Variants in UTS2B observed in about 807,000 individuals in gnomAD.
UTS2B encodes the protein urotensin-2B.
Under a neutral mutation model 19.2 loss-of-function variants are expected in UTS2B, and 21 were observed. The ratio of observed to expected loss-of-function variants is 1.09; its 90% CI spans 0.78 to 1.58. The LOEUF is 1.58. UTS2B is among the 40% of genes most tolerant of loss of function. UTS2B has a pLI of 0.00. For synonymous variants in UTS2B, 57 were observed against 50.2 expected (o/e 1.14, Z -0.58); for missense variants, 138 against 130.3 (o/e 1.06, Z -0.29).
At chr3:191,276,865 A>G (rs748820431) in intron 6 of UTS2B, 21 bp from the exon 7 acceptor site, 15 of 1,607,786 alleles carry the variant, frequency 9.3e-6, no homozygotes, top group African/African-American at 2.7e-5. Flanking sequence ...CATTTGTCAC[A>G]TGAAAAAACG....
At chr3:191,341,025 T>C in the UTS2B span, among the ~76,000 whole-genome samples, 12,716 of 151,428 alleles carry the variant, frequency 0.084, 605 homozygotes, top group East Asian at 0.21. Flanking sequence ...AGGGTCTCAC[T>C]ATATTGCCCA....
At chr3:191,304,055 C>T (rs913581664) in intron 4 of UTS2B, among the ~76,000 whole-genome samples, 2 of 152,038 alleles carry the variant, frequency 1.3e-5, no homozygotes, top group African/African-American at 2.4e-5. Flanking sequence ...CTGCAACCTC[C>T]GCCTCCTGGG....
intron 3 of UTS2B, among the ~76,000 whole-genome samples, chr3:191,315,808 G>A (rs1020771953): frequency 6.6e-6 from 1 of 152,150 alleles, no homozygotes; most frequent in Non-Finnish European, 1.5e-5. Flanking sequence ...AATTTTATTA[G>A]TTATGCAGTA....
At chr3:191,283,386 A>G (rs945205508) in intron 4 of UTS2B, among the ~76,000 whole-genome samples, 1 of 152,184 alleles carries the variant, frequency 6.6e-6, no homozygotes, top group Admixed American at 6.5e-5. Flanking sequence ...TACTGATCAA[A>G]TGCCACCAGA....
At chr3:191,312,438 G>A (rs1380303486) in intron 3 of UTS2B, among the ~76,000 whole-genome samples, 2 of 152,148 alleles carry the variant, frequency 1.3e-5, no homozygotes, top group Non-Finnish European at 2.9e-5. Context: ...TCTGCTGGCC[G>A]TGACAGCTCA....
chr3:191,280,365 T>C (rs1047979646), intron 5 of UTS2B, among the ~76,000 whole-genome samples: 1 of 152,126 alleles, frequency 6.6e-6, no homozygotes, highest in Non-Finnish European at 1.5e-5. Context: ...ATTGTGCCAT[T>C]TGTCTTGGAG....
intron 6 of UTS2B, 142 bp from the exon 7 acceptor site, chr3:191,276,986 A>G (rs1716255417): frequency 1.6e-6 from 1 of 626,658 alleles, no homozygotes; most frequent in African/African-American, 1.9e-5. Flanking sequence ...CCTAATATAA[A>G]ACCTCCAGTA....
At position 191,282,287 on chromosome 3, in the gene UTS2B, G is replaced by A. The variant is rs1034450947; in HGVS notation, c.-98C>T. ...AATTCAGTAGAGCTTAGTTGCAAAA[G>A]GCAAGTGTGCCTCAGTTACGAATGA... On this transcript the variant is annotated 5_prime_UTR_variant, in exon 5 of 9. Coordinates refer to ENST00000340524, the MANE Select transcript of UTS2B (RefSeq NM_198152.5). The A allele has an allele frequency of 6.6e-5, 53 of 797,682 alleles. No individual in the cohort carries two copies. The highest frequency in any genetic ancestry group is 9.8e-5 in the Non-Finnish European group (49 of 501,942). The allele number at this position is 797,682 out of a possible 1,614,324, so 49.4% of individuals were successfully genotyped here. A position where few individuals can be genotyped will look rare whatever the true frequency, so the allele number is the denominator to read the frequency against.
At chr3:191,317,882 G>GT (rs957896029) in intron 2 of UTS2B, among the ~76,000 whole-genome samples, 16 of 152,058 alleles carry the variant, frequency 1.1e-4, no homozygotes, top group Non-Finnish European at 2.2e-4. Context: ...ACCCGGCCAG[G>GT]TTTTTTTATT....
intron 8 of UTS2B, among the ~76,000 whole-genome samples, chr3:191,269,533 C>T (rs947395201): frequency 6.7e-6 from 1 of 149,714 alleles, no homozygotes; most frequent in African/African-American, 2.5e-5. Flanking sequence ...AAAGATGAGG[C>T]TTCTCACTAT....
At chr3:191,280,846 C>A (rs1210267209) in intron 5 of UTS2B, among the ~76,000 whole-genome samples, 1 of 152,094 alleles carries the variant, frequency 6.6e-6, no homozygotes. Flanking sequence ...CATTGGAAAT[C>A]TCAATATTTC....
chr3:191,291,783 T>C (rs1716726429), intron 4 of UTS2B, among the ~76,000 whole-genome samples: 2 of 150,838 alleles, frequency 1.3e-5, no homozygotes, highest in Admixed American at 1.3e-4. Context: ...TTATATATGG[T>C]GTGAGGTTGG....
At chr3:191,288,859 G>A (rs1477565931) in intron 4 of UTS2B, among the ~76,000 whole-genome samples, 4 of 152,240 alleles carry the variant, frequency 2.6e-5, no homozygotes, top group East Asian at 1.9e-4. Context: ...GAAAAGCTTC[G>A]TGACATTGAT....
chr3:191,282,045 T>C, intron 5 of UTS2B, 42 bp downstream of exon 5: 1 of 1,363,526 alleles, frequency 7.3e-7, no homozygotes, highest in Non-Finnish European at 1.0e-6. Context: ...AATAGAAGAA[T>C]TACTTACCCA....
chr3:191,270,537 C>G (rs1381947226), intron 8 of UTS2B, among the ~76,000 whole-genome samples: 1 of 151,564 alleles, frequency 6.6e-6, no homozygotes, highest in Non-Finnish European at 1.5e-5. Flanking sequence ...TAAAAATAAA[C>G]AAAAAAGGTT....
intron 4 of UTS2B, among the ~76,000 whole-genome samples, chr3:191,288,130 C>T (rs968811758): frequency 1.3e-5 from 2 of 152,072 alleles, no homozygotes; most frequent in Non-Finnish European, 2.9e-5. Flanking sequence ...ATGAAAGACA[C>T]AAGCAAATGG....
chr3:191,272,916 G>C (rs544279707), intron 8 of UTS2B, among the ~76,000 whole-genome samples: 179 of 149,388 alleles, frequency 1.2e-3, no homozygotes, highest in African/African-American at 4.1e-3. Context: ...TGTAATCCCA[G>C]CACTTTGAGA....
intron 8 of UTS2B, among the ~76,000 whole-genome samples, chr3:191,271,582 GTTGCT>G: frequency 6.6e-6 from 1 of 152,274 alleles, no homozygotes. Context: ...ACTTGTGGGT[GTTGCT>G]TTCTTGCCTC....
chr3:191,306,393 AC>A (rs1372041171), intron 3 of UTS2B, among the ~76,000 whole-genome samples: 1 of 152,176 alleles, frequency 6.6e-6, no homozygotes, highest in Non-Finnish European at 1.5e-5. Flanking sequence ...ATTGAACCCT[AC>A]CACATTTTAT....
Sources: allele counts gnomAD v4.1 joint callset (sites outside exome capture counted in the v4.1 genomes callset), GRCh38; gene constraint gnomAD v4.1.1; transcripts MANE v1.5; gene names NCBI Gene and HGNC (gene_info 2026-07-23, HGNC 2026-07-21).